ALCAM: variants seen among roughly 807,000 people sequenced by gnomAD.
ALCAM encodes the protein CD166 antigen.
In ALCAM, 30 loss-of-function variants were observed where a neutral mutation model predicts 70.9. The ratio of observed to expected loss-of-function variants is 0.42; its 90% CI spans 0.32 to 0.57. The LOEUF (loss-of-function observed/expected upper bound fraction) is 0.57, where lower values mean the gene tolerates loss of function less well. ALCAM is among the 20% of genes least tolerant of loss of function. ALCAM has a pLI of 0.11. For synonymous variants in ALCAM, 249 were observed against 242.5 expected, an observed-to-expected ratio of 1.03 and a Z score of -0.25; for missense variants, 591 against 695.1, an observed-to-expected ratio of 0.85 and a Z score of 1.68.
At position 105,382,883 on chromosome 3, in the gene ALCAM, A is replaced by G. The variant is rs1047488262; in HGVS notation, c.73+15402A>G. On this transcript the variant is annotated intron_variant, in intron 1 of 15. Coordinates refer to ENST00000306107, the MANE Select transcript of ALCAM (RefSeq NM_001627.4). ...CAACTCTTATAACTGCTCTGCTTCAAATACTTCGGACACTTCCCAATATAG... is the reference window on the plus strand; with the variant it reads ...CAACTCTTATAACTGCTCTGCTTCAGATACTTCGGACACTTCCCAATATAG... 2.6e-5 allele frequency among the ~76,000 whole-genome samples: 4 copies of G among 151,984 alleles called. No homozygotes were observed. In the East Asian group the frequency reaches 5.8e-4, roughly 22 times the overall value.
chr3:105,505,366 T>G (rs1457778327), intron 1 of ALCAM, among the ~76,000 whole-genome samples: 3 of 151,954 alleles, frequency 2.0e-5, no homozygotes, highest in Non-Finnish European at 2.9e-5. Flanking sequence ...AAGAGAGTGA[T>G]GAGGAAGCTG....
In ALCAM at chr3:105,564,515, C is replaced by T. The variant is rs556893987; in HGVS notation, c.1665-7337C>T. Among the ~76,000 whole-genome samples the T allele has an allele frequency of 1.2e-4, 19 of 152,324 alleles. 1 individual carries two copies. In the East Asian group the frequency reaches 2.5e-3, roughly 20 times the overall value. ...TTTCATTCTGAAAAACCTCCTTTGA[C>T]ATTACTGGGAGTGCATGTCTACCGC... On this transcript the variant is annotated intron_variant, in intron 14 of 15. Coordinates refer to ENST00000306107, the MANE Select transcript of ALCAM (RefSeq NM_001627.4).
chr3:105,495,300 C>A (rs2152613205), intron 1 of ALCAM, among the ~76,000 whole-genome samples: 1 of 152,218 alleles, frequency 6.6e-6, no homozygotes, highest in East Asian at 1.9e-4. Context: ...GCCCTTGAAA[C>A]CACTTGGGGG....
At chr3:105,518,924 C>T (rs982101678) in intron 1 of ALCAM, among the ~76,000 whole-genome samples, 5 of 152,028 alleles carry the variant, frequency 3.3e-5, no homozygotes, top group African/African-American at 1.2e-4. Context: ...TGATAGATAA[C>T]AGTCGAAAGA....
intron 1 of ALCAM, among the ~76,000 whole-genome samples, chr3:105,465,522 C>T (rs939304466): frequency 2.0e-5 from 3 of 151,404 alleles, no homozygotes; most frequent in African/African-American, 7.3e-5. Context: ...TTTCTGCTCA[C>T]TGATTATATG....
At chr3:105,477,999 G>A (rs920920756) in intron 1 of ALCAM, among the ~76,000 whole-genome samples, 7 of 151,868 alleles carry the variant, frequency 4.6e-5, no homozygotes, top group African/African-American at 1.7e-4. Context: ...AGACTAGCAT[G>A]GTAAATATTT....
rs529249858 is a variant in ALCAM, at chr3:105,443,173, C to T, written c.73+75692C>T. Among the ~76,000 whole-genome samples the T allele has an allele frequency of 6.4e-4, 98 of 152,288 alleles. No homozygotes were observed. In the Middle Eastern group the frequency reaches 0.014, roughly 21 times the overall value. On this transcript the variant is annotated intron_variant, in intron 1 of 15. Transcript: ENST00000306107. ...TGCACCCTTTATAAGAGATCAAGTA[C>T]ACCATTAACATGTTATGTGTATTAC...
intron 1 of ALCAM, among the ~76,000 whole-genome samples, chr3:105,516,133 A>G (rs899576902): frequency 2.6e-5 from 4 of 151,686 alleles, no homozygotes; most frequent in Middle Eastern, 3.2e-3. Context: ...TTCTCATTCT[A>G]TTTTCTGTAT....
At chr3:105,455,893 C>T (rs1576174934) in intron 1 of ALCAM, among the ~76,000 whole-genome samples, 1 of 152,294 alleles carries the variant, frequency 6.6e-6, no homozygotes, top group East Asian at 1.9e-4. Flanking sequence ...AGTTGGAGAA[C>T]AGGCTGGCAA....
chr3:105,538,261 G>T (rs1197391558), intron 6 of ALCAM, among the ~76,000 whole-genome samples: 1 of 151,834 alleles, frequency 6.6e-6, no homozygotes, highest in African/African-American at 2.4e-5. Context: ...TAGAAGGGGA[G>T]AATCAGACCC....
At chr3:105,484,582 C>G (rs77115190) in intron 1 of ALCAM, among the ~76,000 whole-genome samples, 1 of 151,986 alleles carries the variant, frequency 6.6e-6, no homozygotes. Context: ...AAAACTCAAG[C>G]TTTCTGAGCC....
At chr3:105,437,890 G>A (rs999190073) in intron 1 of ALCAM, among the ~76,000 whole-genome samples, 1 of 152,000 alleles carries the variant, frequency 6.6e-6, no homozygotes, top group Admixed American at 6.6e-5. Context: ...ATATTTTATA[G>A]TAGGAAAATG....
At chr3:105,447,841 C>T (rs12630634) in intron 1 of ALCAM, among the ~76,000 whole-genome samples, 24,470 of 152,076 alleles carry the variant, frequency 0.16, 2,230 homozygotes, top group East Asian at 0.37. Context: ...ATGAGGCTCA[C>T]GACATTATTA....
intron 1 of ALCAM, among the ~76,000 whole-genome samples, chr3:105,501,585 A>G (rs1460580333): frequency 6.6e-6 from 1 of 152,212 alleles, no homozygotes; most frequent in African/African-American, 2.4e-5. Context: ...TAGATTTCAA[A>G]TACCTAGAAA....
At chr3:105,428,678 A>G (rs1005850948) in intron 1 of ALCAM, among the ~76,000 whole-genome samples, 2 of 151,986 alleles carry the variant, frequency 1.3e-5, no homozygotes, top group African/African-American at 4.8e-5. Context: ...TAAGTTCACT[A>G]TTTGCCTCTC....
intron 1 of ALCAM, among the ~76,000 whole-genome samples, chr3:105,417,305 C>A (rs1253495321): frequency 6.6e-6 from 1 of 151,852 alleles, no homozygotes; most frequent in Non-Finnish European, 1.5e-5. Context: ...TATACTTTTA[C>A]ACTACATTCT....
intron 14 of ALCAM, among the ~76,000 whole-genome samples, chr3:105,568,450 G>A (rs1468639595): frequency 6.6e-6 from 1 of 152,098 alleles, no homozygotes; most frequent in Non-Finnish European, 1.5e-5. Context: ...TACCAAGACT[G>A]ATGTGTTTGC....
At chr3:105,489,643 A>G (rs1190638876) in intron 1 of ALCAM, among the ~76,000 whole-genome samples, 1 of 152,226 alleles carries the variant, frequency 6.6e-6, no homozygotes, top group African/African-American at 2.4e-5. Flanking sequence ...ATATAATTAT[A>G]TAATTAAATG....
intron 1 of ALCAM, among the ~76,000 whole-genome samples, chr3:105,420,946 T>C (rs1260173415): frequency 6.6e-6 from 1 of 151,446 alleles, no homozygotes; most frequent in African/African-American, 2.4e-5. Context: ...CACAGTTTGG[T>C]TGTATTTTAA....
Sources: gnomAD v4.1 joint callset for allele counts (sites outside exome capture counted in the v4.1 genomes callset) on GRCh38, gnomAD v4.1.1 for gene constraint, MANE v1.5 for transcripts, NCBI Gene and HGNC (gene_info 2026-07-23, HGNC 2026-07-21) for gene names.